The following ODF2 variants were observed in gnomAD, a reference collection of about 807,000 sequenced individuals.
ODF2 encodes the protein outer dense fiber of sperm tails 2, also known as outer dense fiber protein 2.
A neutral mutation model predicts 110.2 loss-of-function variants in ODF2; 47 were observed. That is an observed-to-expected ratio of 0.43 (90% CI 0.34 to 0.54). The LOEUF (loss-of-function observed/expected upper bound fraction) is 0.54. Among genes scored for constraint, ODF2 ranks in the 20% least tolerant of loss-of-function variants. The pLI is 0.03. For missense variants in ODF2, 812 were observed against 1,054.5 expected (o/e 0.77, Z 3.19); for synonymous variants, 352 against 397.7 (o/e 0.89, Z 1.37).
rs1326765428 is a variant in ODF2 at position 128,494,802 on chromosome 9, A to C, written c.1911+134A>C. On this transcript the variant is annotated intron_variant, in intron 17 of 20. Transcript: ENST00000604420. This position sits in a 1 kb window ranked among gnomAD's most constrained non-coding sequence, Gnocchi z 4.6. ...TGCTTTTTAAAAGGAGTGAGCTATC[A>C]TCAGTGCTGTGAAATAAAAGTCTGG... The C allele has an allele frequency of 1.3e-6, 2 of 1,565,536 alleles. No homozygotes were observed. The highest frequency in any genetic ancestry group is 2.7e-5 in the African/African-American group (2 of 73,448).
exon 2 of ODF2, chr9:128,457,308 G>A (rs1835148860): frequency 1.4e-5 from 22 of 1,608,720 alleles, no homozygotes; most frequent in Non-Finnish European, 1.9e-5. Flanking sequence ...TTGATGCCGG[G>A]CCCCTTGAGA....
At chr9:128,490,247 A>G (rs1181532474) in intron 14 of ODF2, among the ~76,000 whole-genome samples, 1 of 152,152 alleles carries the variant, frequency 6.6e-6, no homozygotes, top group East Asian at 1.9e-4. Flanking sequence ...CAGTGTGGTC[A>G]TTCAAAATGA....
intron 8 of ODF2, among the ~76,000 whole-genome samples, chr9:128,478,352 C>G (rs894798675): frequency 8.6e-5 from 13 of 151,970 alleles, no homozygotes; most frequent in Admixed American, 8.5e-4. Context: ...GATCCTAGCA[C>G]TTTGGGAGGC....
At chr9:128,500,142 A>G (rs762408237) in exon 21 of ODF2, 8 of 1,614,162 alleles carry the variant, frequency 5.0e-6, no homozygotes, top group Non-Finnish European at 5.9e-6. Context: ...CAACCGCAGC[A>G]TGCAGAACTA....
At chr9:128,457,944 T>TA (rs34377791) in intron 2 of ODF2, among the ~76,000 whole-genome samples, 6,106 of 39,140 alleles carry the variant, frequency 0.16, 242 homozygotes, top group African/African-American at 0.3. Context: ...TATATATATA[T>TA]TTTTTTTTTT....
At chr9:128,482,274 T>A (rs953432289) in intron 9 of ODF2, among the ~76,000 whole-genome samples, 2 of 152,182 alleles carry the variant, frequency 1.3e-5, no homozygotes, top group African/African-American at 4.8e-5. Context: ...CCTCTGATGC[T>A]TAGTTGAGGA....
chr9:128,457,295 C>T, exon 2 of ODF2: 2 of 1,606,502 alleles, frequency 1.2e-6, no homozygotes, highest in Non-Finnish European at 1.7e-6. Context: ...TCAGAGAGGA[C>T]GTTTGATGCC....
At position 128,494,946 on chromosome 9, in the gene ODF2, G is replaced by A; in HGVS notation, c.1911+278G>A. ...CCAAGACTGCTGCCTCTGCCTGTGT[G>A]CTCCGCAGCTGTCCTCAGCTCCACA... On this transcript the variant is annotated intron_variant, in intron 17 of 20. Transcript: ENST00000604420. This position sits in a 1 kb window ranked among gnomAD's most constrained non-coding sequence, Gnocchi z 4.6. 1.1e-6 allele frequency: 1 copy of A among 907,348 alleles called. No homozygotes were observed. Among genetic ancestry groups the A allele is most frequent in the Non-Finnish European group, 1.6e-6 (1 of 622,800 alleles). 56.2% of individuals were successfully genotyped at this position (907,348 alleles called of 1,614,324 possible).
chr9:128,460,700 G>C, intron 3 of ODF2, 34 bp downstream of exon 3: 1 of 1,612,226 alleles, frequency 6.2e-7, no homozygotes, highest in East Asian at 2.2e-5. Flanking sequence ...GGTAGTAGCT[G>C]TGGATCTGGG....
At chr9:128,486,934 G>T (rs1843476842) in intron 13 of ODF2, among the ~76,000 whole-genome samples, 1 of 152,162 alleles carries the variant, frequency 6.6e-6, no homozygotes, top group African/African-American at 2.4e-5. Context: ...AGAAGCGTCT[G>T]TCCTAACACC....
intron 8 of ODF2, among the ~76,000 whole-genome samples, chr9:128,479,423 G>A (rs887036693): frequency 2.0e-5 from 3 of 152,234 alleles, no homozygotes; most frequent in Admixed American, 6.5e-5. Flanking sequence ...GGTAATTAGA[G>A]AAGTGCAAAT....
intron 8 of ODF2, among the ~76,000 whole-genome samples, chr9:128,474,031 C>T (rs774480912): frequency 2.3e-4 from 35 of 152,078 alleles, no homozygotes; most frequent in Non-Finnish European, 4.4e-4. Context: ...AGTTCCAGAC[C>T]TGAGCTTTTT....
intron 5 of ODF2, among the ~76,000 whole-genome samples, chr9:128,470,019 ATATATATAT>A (rs1206530058): frequency 5.1e-4 from 6 of 11,728 alleles, no homozygotes; most frequent in South Asian, 5.9e-3. Flanking sequence ...AAAAAAAAAA[ATATATATAT>A]ATATATATAT....
rs1036468895 is a variant in ODF2, at chr9:128,471,158, C to A, written c.421-150C>A. 65 of 651,948 alleles carry A rather than the reference C, an allele frequency of 1.0e-4. No homozygotes were observed. In the Middle Eastern group the frequency reaches 1.3e-3, roughly 13 times the overall value. 40.4% of individuals were successfully genotyped at this position (651,948 alleles called of 1,614,324 possible). ...CGAACTCCTGACCAAAAGTGACCTA[C>A]CCACCTTGGCCTCCCAAAGTGCTGG... On this transcript the variant is annotated intron_variant, in intron 5 of 20. Coordinates refer to ENST00000604420, the Ensembl canonical transcript of ODF2.
Position 128,494,685 on chromosome 9 carries a change from A to C in ODF2, c.1911+17A>C, listed in dbSNP as rs1329763706. ...CGCAGCCGGGTAAGGGACTGGCAGA[A>C]AGGGTCCCACGAACTGACCCGAGCA... On this transcript the variant is annotated intron_variant, in intron 17 of 20. Coordinates refer to ENST00000604420, the Ensembl canonical transcript of ODF2. The surrounding 1 kb of genome is among the most constrained non-coding windows in gnomAD (Gnocchi z 4.6). The C allele has an allele frequency of 1.2e-6, 2 of 1,614,082 alleles. No individual in the cohort carries two copies. Among genetic ancestry groups the C allele is most frequent in the African/African-American group, 1.3e-5 (1 of 74,944 alleles).
rs369628964 is a variant in ODF2 at position 128,498,934 on chromosome 9, C to T, written c.2176-67C>T. ...TGCAAGACCAGATAGTGGGCCCAGC[C>T]TTCTCTTTGCCAAGTGTTCCCCATG... On this transcript the variant is annotated intron_variant, in intron 19 of 20. Coordinates refer to ENST00000604420, the Ensembl canonical transcript of ODF2. The T allele has an allele frequency of 3.7e-6, 6 of 1,601,108 alleles. No homozygotes were observed. In the East Asian group the frequency reaches 1.1e-4, roughly 30 times the overall value.
chr9:128,497,444 AAAATATATATATATATATATATATAT>A (rs1267806342), intron 18 of ODF2: 5 of 72,256 alleles, frequency 6.9e-5, no homozygotes, highest in African/African-American at 2.0e-4. Context: ...AAAAAAAAAA[AAAATATATATATATATATATATATAT>A]ATATATATAT....
chr9:128,477,330 C>T (rs1235848674), intron 8 of ODF2, among the ~76,000 whole-genome samples: 1 of 151,940 alleles, frequency 6.6e-6, no homozygotes, highest in Non-Finnish European at 1.5e-5. Context: ...GGGAGAATTG[C>T]TTGAGGCCAG....
exon 19 of ODF2, chr9:128,498,428 C>A: frequency 6.3e-7 from 1 of 1,598,582 alleles, no homozygotes. Context: ...TGGAGGCGAC[C>A]AGTGCCCAGA....
Sources: allele counts gnomAD v4.1 joint callset (sites outside exome capture counted in the v4.1 genomes callset), GRCh38; gene constraint gnomAD v4.1.1; non-coding constraint Gnocchi (gnomAD v3.1); transcripts MANE v1.5; gene names NCBI Gene and HGNC (gene_info 2026-07-23, HGNC 2026-07-21).